GTF2H3: variants seen among roughly 807,000 people sequenced by gnomAD.
The protein encoded by GTF2H3 is TFIIH basal transcription factor complex p34 subunit.
A neutral mutation model predicts 51.1 loss-of-function variants in GTF2H3; 42 were observed. The observed-to-expected ratio is 0.82, with a 90% CI of 0.64 to 1.06. GTF2H3 has a LOEUF of 1.06. Ranked by LOEUF, GTF2H3 falls within the 50% of genes least tolerant of loss-of-function variation. The pLI is 0.00. For missense variants in GTF2H3, 326 were observed against 366.1 expected, an observed-to-expected ratio of 0.89 and a Z score of 0.89; for synonymous variants, 123 against 123.8, an observed-to-expected ratio of 0.99 and a Z score of 0.04.
intron 9 of GTF2H3, among the ~76,000 whole-genome samples, chr12:123,656,664 C>T (rs1955591362): frequency 6.6e-6 from 1 of 152,192 alleles, no homozygotes; most frequent in Non-Finnish European, 1.5e-5. Context: ...CTTCCTGCTC[C>T]ACTGGTAGCC....
At chr12:123,655,645 G>A (rs1006950424) in intron 8 of GTF2H3, 126 bp from the exon 9 acceptor site, 6 of 632,260 alleles carry the variant, frequency 9.5e-6, no homozygotes, top group African/African-American at 5.6e-5. Context: ...AATATCTGCC[G>A]TGCAGAGTCA....
intron 3 of GTF2H3, 76 bp from the exon 4 acceptor site, chr12:123,647,887 T>C (rs1203980000): frequency 4.1e-6 from 4 of 979,608 alleles, no homozygotes; most frequent in South Asian, 5.0e-5. Context: ...TTGCCTCTGC[T>C]GAATTTCATT....
Position 123,651,018 on chromosome 12 carries a change from A to C in GTF2H3, c.389A>C (p.Glu130Ala). ...GGTGACATAAAGGGTCAACATACAG[A>C]AACTTTGCTGGCAGGATCCCTGGCC... ...TKSDIKGQHT[E>A]TLLAGSLAKA... is the part of the protein sequence containing the mutation. Residue 130 changes from glutamate to alanine, a missense_variant, in exon 5 of 13, where the codon GAA (glutamate) becomes GCA (alanine). Transcript: ENST00000543341. 1 of 1,613,344 alleles carries C rather than the reference A, an allele frequency of 6.2e-7. No homozygotes were observed. The highest frequency in any genetic ancestry group is 8.5e-7 in the Non-Finnish European group (1 of 1,179,322).
intron 9 of GTF2H3, 178 bp downstream of exon 9, chr12:123,656,002 A>G (rs1054974121): frequency 3.9e-5 from 19 of 485,582 alleles, no homozygotes; most frequent in Non-Finnish European, 7.0e-5. Context: ...TTTAAATTAC[A>G]TATTGCTTGC....
At chr12:123,650,843 G>A in intron 4 of GTF2H3, 151 bp from the exon 5 acceptor site, 1 of 583,284 alleles carries the variant, frequency 1.7e-6, no homozygotes, top group Non-Finnish European at 3.1e-6. Context: ...ACATTGCTAT[G>A]TTTTTAAACC....
rs908074559 is a variant in GTF2H3, at chr12:123,660,631, G to A, written c.*396G>A. On this transcript the variant is annotated 3_prime_UTR_variant, in exon 13 of 13. Transcript: ENST00000543341. The stretch of plus-strand genomic sequence containing the variant: ...AGCTTTGGAAAAAGGGACTATTTGT[G>A]GAGTAATGGCATTAATCAACATAGA... 1.3e-5 allele frequency: 2 copies of A among 158,518 alleles called. No individual in the cohort carries two copies. The highest frequency in any genetic ancestry group is 4.8e-5 in the African/African-American group (2 of 41,582). The allele number at this position is 158,518 out of a possible 1,614,324, so 9.8% of individuals were successfully genotyped here.
chr12:123,639,587 A>G (rs867696370), intron 2 of GTF2H3, among the ~76,000 whole-genome samples: 15 of 152,238 alleles, frequency 9.9e-5, no homozygotes, highest in Middle Eastern at 3.4e-3. Flanking sequence ...CCCTGCTTCT[A>G]TCTCCAAGCT....
chr12:123,651,819 C>CA (rs993644383), intron 5 of GTF2H3, among the ~76,000 whole-genome samples: 4,681 of 93,720 alleles, frequency 0.05, 87 homozygotes, highest in Non-Finnish European at 0.072. Flanking sequence ...GACTACATCT[C>CA]AAAAAAAAAA....
chr12:123,642,952 G>A (rs977918047), intron 2 of GTF2H3, among the ~76,000 whole-genome samples: 2 of 151,992 alleles, frequency 1.3e-5, no homozygotes, highest in Non-Finnish European at 2.9e-5. Context: ...TCGGCTTACC[G>A]CAATCTCCAC....
Position 123,659,923 on chromosome 12 carries a change from T to C in GTF2H3, c.813T>C (p.Cys271=). The change falls in exon 11 of 13, where the codon TGT becomes TGC. Residue 271 remains cysteine, a synonymous_variant. Transcript: ENST00000543341. ...LIEIGYVCSV[C]LSIFCNFSPI... ...AAATTGGTTATGTCTGTTCTGTGTG[T>C]TTGTCAAGTAAGTTAATGTACCTAG... 1 of 1,613,254 alleles carries C rather than the reference T, an allele frequency of 6.2e-7. No homozygotes were observed. The highest frequency in any genetic ancestry group is 1.7e-4 in the Middle Eastern group (1 of 6,058).
chr12:123,635,372 A>G (rs1372303553), intron 1 of GTF2H3, among the ~76,000 whole-genome samples: 1 of 152,100 alleles, frequency 6.6e-6, no homozygotes, highest in Non-Finnish European at 1.5e-5. Flanking sequence ...GGAGTTCGAG[A>G]CCAGCCTGGC....
rs943024115 is a variant in GTF2H3 at position 123,661,128 on chromosome 12, C to G, written c.*893C>G. On this transcript the variant is annotated 3_prime_UTR_variant, in exon 13 of 13. Coordinates refer to ENST00000543341, the MANE Select transcript of GTF2H3 (RefSeq NM_001516.5). ...GCAGCAAAGTGAGACCCCATCTCTACTAAAAATTTAAATGTATTTATTAAA... is the reference window on the plus strand; with the variant it reads ...GCAGCAAAGTGAGACCCCATCTCTAGTAAAAATTTAAATGTATTTATTAAA... 5.9e-5 allele frequency: 9 copies of G among 151,894 alleles called. No individual in the cohort carries two copies. The highest frequency in any genetic ancestry group is 2.0e-4 in the Admixed American group (3 of 15,246). 9.4% of individuals were successfully genotyped at this position (151,894 alleles called of 1,614,324 possible).
rs1955632695 is a variant in GTF2H3, at chr12:123,659,811, A to G, written c.701A>G (p.Asp234Gly). 1.2e-6 allele frequency: 2 copies of G among 1,612,392 alleles called. No homozygotes were observed. Among genetic ancestry groups the G allele is most frequent in the South Asian group, 1.1e-5 (1 of 90,478 alleles). ...GTTTTACAGTGGGTGTTTCTTCCCG[A>G]TCAAGATCAGAGATCTCAGTTAATC... ...LQYLLWVFLP[D>G]QDQRSQLILP... The change falls in exon 11 of 13, where the codon GAT becomes GGT. Residue 234 changes from aspartate (D) to glycine (G), a missense_variant. Coordinates refer to ENST00000543341, the MANE Select transcript of GTF2H3 (RefSeq NM_001516.5).
At chr12:123,655,688 G>T (rs921549341) in intron 8 of GTF2H3, 83 bp from the exon 9 acceptor site, 14 of 814,492 alleles carry the variant, frequency 1.7e-5, no homozygotes, top group Non-Finnish European at 2.8e-5. Context: ...TTTAAGCATA[G>T]AGTATGGCAT....
intron 7 of GTF2H3, among the ~76,000 whole-genome samples, chr12:123,653,462 C>A (rs1214358136): frequency 6.6e-6 from 1 of 151,894 alleles, no homozygotes; most frequent in East Asian, 1.9e-4. Flanking sequence ...GAGATCGAAA[C>A]CAACCTGGCT....
Position 123,655,816 on chromosome 12 carries a change from C to T in GTF2H3, c.607C>T (p.Leu203Phe). ...TGTTTTAGACTCCGACTCAGGGCTC[C>T]TCCAACAGGTATGTTTTAAAACCAT... Reference protein sequence around the residue: ...ACVLDSDSGLLQQACDITGGL... With the variant: ...ACVLDSDSGLFQQACDITGGL... The change falls in exon 9 of 13, where the codon CTC (leucine) becomes TTC (phenylalanine). Residue 203 changes from leucine (L) to phenylalanine (F), a missense_variant. Transcript: ENST00000543341. 6.3e-7 allele frequency: 1 copy of T among 1,594,378 alleles called. No homozygotes were observed. The highest frequency in any genetic ancestry group is 8.6e-7 in the Non-Finnish European group (1 of 1,163,000).
At position 123,640,690 on chromosome 12, in the gene GTF2H3, A is replaced by G. The variant is rs138045729; in HGVS notation, c.93+1347A>G. Among the ~76,000 whole-genome samples, 932 of 152,288 alleles carry G rather than the reference A, an allele frequency of 6.1e-3. 5 individuals carry two copies. The highest frequency in any genetic ancestry group is 0.01 in the Non-Finnish European group (691 of 68,024). ...GCTGTTTTCCACTTTTAAATGGTTT[A>G]AAATAAAATCAGAAGAATAACATTT... On this transcript the variant is annotated intron_variant, in intron 2 of 12. Transcript: ENST00000543341.
At position 123,660,981 on chromosome 12, in the gene GTF2H3, C is replaced by T. The variant is rs1446770848; in HGVS notation, c.*746C>T. The T allele has an allele frequency of 2.0e-5, 3 of 151,758 alleles. No individual in the cohort carries two copies. Among genetic ancestry groups the T allele is most frequent in the Non-Finnish European group, 2.9e-5 (2 of 68,004 alleles). 9.4% of individuals were successfully genotyped at this position (151,758 alleles called of 1,614,324 possible). On this transcript the variant is annotated 3_prime_UTR_variant, in exon 13 of 13. Coordinates refer to ENST00000543341, the MANE Select transcript of GTF2H3 (RefSeq NM_001516.5). ...TTAAGTATGGTTTTCAGATAGAATT[C>T]TTTCCTTTTTTAATGAGGAAAAAAA...
intron 3 of GTF2H3, among the ~76,000 whole-genome samples, chr12:123,647,248 T>G (rs527454993): frequency 1.9e-4 from 29 of 151,626 alleles, no homozygotes; most frequent in African/African-American, 6.8e-4. Flanking sequence ...GGCAGATTAC[T>G]TGAGGTCAGT....
Sources: gnomAD v4.1 joint callset for allele counts (sites outside exome capture counted in the v4.1 genomes callset) on GRCh38, gnomAD v4.1.1 for gene constraint, MANE v1.5 for transcripts, NCBI Gene and HGNC (gene_info 2026-07-23, HGNC 2026-07-21) for gene names.